Variants in PARD3 observed in about 807,000 individuals in gnomAD.
PARD3 encodes partitioning defective 3 homolog.
PARD3 carries 75 observed loss-of-function variants against 155.4 expected under a neutral mutation model. The observed-to-expected ratio is 0.48, with a 90% CI of 0.40 to 0.58. The LOEUF (loss-of-function observed/expected upper bound fraction) is 0.58. Among genes scored for constraint, PARD3 ranks in the 20% least tolerant of loss-of-function variants. The probability of loss-of-function intolerance (pLI) is 0.00; values close to 1 mark genes in which losing one functional copy is unlikely to be tolerated. For missense variants in PARD3, 1,642 were observed against 1,721.7 expected (o/e 0.95, Z 0.82); for synonymous variants, 576 against 610.5 (o/e 0.94, Z 0.83).
chr10:34,118,143 C>T (rs1946784787), intron 24 of PARD3, among the ~76,000 whole-genome samples: 1 of 152,122 alleles, frequency 6.6e-6, no homozygotes, highest in Non-Finnish European at 1.5e-5. Context: ...CCTGGCAATT[C>T]TCCTCTTTAA....
chr10:34,290,120 T>C (rs113672656), intron 20 of PARD3, among the ~76,000 whole-genome samples: 1 of 152,272 alleles, frequency 6.6e-6, no homozygotes, highest in African/African-American at 2.4e-5. Flanking sequence ...CTACCAAAAT[T>C]AGAGGTCTTT....
At chr10:34,631,793 T>A (rs1317398547) in intron 2 of PARD3, among the ~76,000 whole-genome samples, 1 of 152,160 alleles carries the variant, frequency 6.6e-6, no homozygotes, top group East Asian at 1.9e-4. Flanking sequence ...AAACGAGGTC[T>A]TACCATGTTG....
At chr10:34,482,966 T>A (rs1364978258) in intron 3 of PARD3, among the ~76,000 whole-genome samples, 1 of 150,804 alleles carries the variant, frequency 6.6e-6, no homozygotes, top group African/African-American at 2.5e-5. Context: ...CTGACCAACA[T>A]GGAGAAACCC....
intron 2 of PARD3, among the ~76,000 whole-genome samples, chr10:34,658,792 C>T (rs1358451845): frequency 1.3e-5 from 2 of 152,102 alleles, no homozygotes; most frequent in Admixed American, 1.3e-4. Flanking sequence ...AAGCAGAGCA[C>T]AAATGGCTGA....
chr10:34,273,328 G>A (rs969772005), intron 21 of PARD3, among the ~76,000 whole-genome samples: 4 of 152,088 alleles, frequency 2.6e-5, no homozygotes, highest in Non-Finnish European at 5.9e-5. Context: ...ACAAACTACT[G>A]ATACATACAG....
At chr10:34,149,880 A>G (rs1174485978) in intron 22 of PARD3, among the ~76,000 whole-genome samples, 1 of 152,226 alleles carries the variant, frequency 6.6e-6, no homozygotes, top group African/African-American at 2.4e-5. Flanking sequence ...AAACTGATGT[A>G]CAACTATAAT....
intron 2 of PARD3, among the ~76,000 whole-genome samples, chr10:34,616,943 A>AAT (rs2091295654): frequency 1.3e-5 from 2 of 151,678 alleles, no homozygotes; most frequent in African/African-American, 2.4e-5. Context: ...AAAAAAAAAA[A>AAT]AAAAAATAAC....
intron 2 of PARD3, among the ~76,000 whole-genome samples, chr10:34,535,521 C>G (rs895853520): frequency 6.6e-6 from 1 of 152,216 alleles, no homozygotes; most frequent in African/African-American, 2.4e-5. Context: ...TAGTCTCACT[C>G]TGTCGCCCAG....
intron 2 of PARD3, among the ~76,000 whole-genome samples, chr10:34,686,286 A>G (rs1279921767): frequency 6.6e-6 from 1 of 152,124 alleles, no homozygotes; most frequent in Non-Finnish European, 1.5e-5. Flanking sequence ...TAATTTTCCT[A>G]TGGCTCTTTT....
chr10:34,717,680 C>T (rs1420784892), intron 1 of PARD3, among the ~76,000 whole-genome samples: 1 of 151,982 alleles, frequency 6.6e-6, no homozygotes, highest in Non-Finnish European at 1.5e-5. Context: ...GTGGCTACTA[C>T]TGACTGGACA....
intron 16 of PARD3, among the ~76,000 whole-genome samples, chr10:34,338,709 A>C (rs2134287166): frequency 6.6e-6 from 1 of 152,358 alleles, no homozygotes; most frequent in Non-Finnish European, 1.5e-5. Flanking sequence ...TGGCTCTTAA[A>C]GAGCTATGGT....
chr10:34,405,131 C>G (rs956687446), intron 5 of PARD3, among the ~76,000 whole-genome samples: 3 of 151,180 alleles, frequency 2.0e-5, no homozygotes, highest in Non-Finnish European at 4.4e-5. Context: ...AAAAACTCTT[C>G]CTCTTAGTAC....
At chr10:34,177,661 C>T (rs1443476096) in intron 22 of PARD3, among the ~76,000 whole-genome samples, 3 of 152,206 alleles carry the variant, frequency 2.0e-5, no homozygotes, top group African/African-American at 4.8e-5. Context: ...AGACTCGCCT[C>T]CCAGGGCTGC....
At chr10:34,183,215 C>G (rs1564462388) in intron 22 of PARD3, among the ~76,000 whole-genome samples, 1 of 152,204 alleles carries the variant, frequency 6.6e-6, no homozygotes, top group Admixed American at 6.5e-5. Flanking sequence ...ATACTGATTT[C>G]TAGTATGATC....
chr10:34,270,688 A>T (rs1005241675), intron 21 of PARD3, among the ~76,000 whole-genome samples: 1 of 152,310 alleles, frequency 6.6e-6, no homozygotes, highest in East Asian at 1.9e-4. Context: ...AATCCACACC[A>T]TAACTCTTCA....
At chr10:34,788,123 T>C (rs927799611) in intron 1 of PARD3, among the ~76,000 whole-genome samples, 4 of 152,064 alleles carry the variant, frequency 2.6e-5, no homozygotes, top group Admixed American at 1.3e-4. Context: ...GACAGGCTCA[T>C]GCAAGGGTCT....
At chr10:34,357,685 A>G (rs1242505911) in intron 14 of PARD3, among the ~76,000 whole-genome samples, 1 of 152,154 alleles carries the variant, frequency 6.6e-6, no homozygotes, top group Non-Finnish European at 1.5e-5. Flanking sequence ...TTTATCTTAC[A>G]TAAATGAATG....
In PARD3 at chr10:34,559,293, T is replaced by G. The variant is rs750799558; in HGVS notation, c.223-42134A>C. On this transcript the variant is annotated intron_variant, in intron 2 of 24. Transcript: ENST00000374788. ...TGTAGGCTAATTGATACAAAACTGT[T>G]GTGATTTTCTAAAACCCATGCCTTC... 1.2e-4 allele frequency among the ~76,000 whole-genome samples: 18 copies of G among 152,198 alleles called. 1 individual carries two copies. The highest frequency in any genetic ancestry group is 4.1e-4 in the South Asian group (2 of 4,832).
At chr10:34,516,113 C>CGTGT (rs1564799516) in intron 3 of PARD3, among the ~76,000 whole-genome samples, 1 of 151,938 alleles carries the variant, frequency 6.6e-6, no homozygotes, top group Non-Finnish European at 1.5e-5. Flanking sequence ...TACAGGCAAC[C>CGTGT]GCCACCACGC....
Sources: gnomAD v4.1 joint callset for allele counts (sites outside exome capture counted in the v4.1 genomes callset) on GRCh38, gnomAD v4.1.1 for gene constraint, MANE v1.5 for transcripts, NCBI Gene and HGNC (gene_info 2026-07-23, HGNC 2026-07-21) for gene names.